Variants in CAPN13 observed in about 807,000 individuals in gnomAD.
CAPN13 encodes calpain-13.
Under a neutral mutation model 98.4 loss-of-function variants are expected in CAPN13, and 90 were observed. The ratio of observed to expected loss-of-function variants is 0.92; its 90% CI spans 0.77 to 1.09. The LOEUF is 1.09. CAPN13 is among the 50% of genes least tolerant of loss of function. The pLI is 0.00. For synonymous variants in CAPN13, 330 were observed against 305.5 expected, an observed-to-expected ratio of 1.08 and a Z score of -0.84; for missense variants, 887 against 841.3, an observed-to-expected ratio of 1.05 and a Z score of -0.67.
chr2:30,786,313 T>G (rs934449345), intron 2 of CAPN13, among the ~76,000 whole-genome samples: 1 of 152,224 alleles, frequency 6.6e-6, no homozygotes, highest in African/African-American at 2.4e-5. Flanking sequence ...TGCTGGTGCC[T>G]ACAGAAGTGT....
chr2:30,799,350 C>T lies in CAPN13; in HGVS notation c.-33+7952G>A, dbSNP rs528614100. Among the ~76,000 whole-genome samples, 5 of 152,240 alleles carry T rather than the reference C, an allele frequency of 3.3e-5. No homozygotes were observed. In the South Asian group the frequency reaches 1.0e-3, roughly 32 times the overall value. On this transcript the variant is annotated intron_variant, in intron 1 of 22. Transcript: ENST00000295055. ...ATCGGGTTTGAAGATGGAACTTAAC[C>T]GCCAGACCAGTGCTGTCCCTGAGCC...
chr2:30,723,851 AT>A (rs141639576), intron 22 of CAPN13, among the ~76,000 whole-genome samples: 5,924 of 151,298 alleles, frequency 0.039, 199 homozygotes, highest in East Asian at 0.14. Context: ...TAGTTTGCCT[AT>A]TTTTTTTTCC....
At chr2:30,779,509 T>TA (rs1673880212) in intron 2 of CAPN13, among the ~76,000 whole-genome samples, 1 of 152,214 alleles carries the variant, frequency 6.6e-6, no homozygotes, top group South Asian at 2.1e-4. Flanking sequence ...GACCAGTCCT[T>TA]ACATTTACAA....
intron 11 of CAPN13, among the ~76,000 whole-genome samples, chr2:30,750,710 G>A (rs1054014987): frequency 2.0e-5 from 3 of 152,200 alleles, no homozygotes; most frequent in African/African-American, 7.2e-5. Flanking sequence ...CCTCTGGAGA[G>A]CTTATGAAAA....
At chr2:30,799,840 A>G (rs887013394) in intron 1 of CAPN13, among the ~76,000 whole-genome samples, 3 of 152,096 alleles carry the variant, frequency 2.0e-5, no homozygotes, top group Admixed American at 6.5e-5. Flanking sequence ...TTGGGAGGCC[A>G]AGGTGGGCGG....
intron 22 of CAPN13, among the ~76,000 whole-genome samples, chr2:30,726,235 C>G (rs1382152024): frequency 3.9e-5 from 6 of 152,164 alleles, no homozygotes; most frequent in African/African-American, 1.2e-4. Context: ...TAGAAGTGAA[C>G]TTCCTCAACC....
intron 1 of CAPN13, among the ~76,000 whole-genome samples, chr2:30,801,580 G>C (rs1675273338): frequency 6.8e-6 from 1 of 147,678 alleles, no homozygotes; most frequent in African/African-American, 2.5e-5. Context: ...ACTCCAGCCT[G>C]GGTGATAGAG....
chr2:30,752,691 C>A (rs979209809), intron 10 of CAPN13, among the ~76,000 whole-genome samples: 1 of 152,222 alleles, frequency 6.6e-6, no homozygotes, highest in Admixed American at 6.5e-5. Flanking sequence ...GACAAGGGTC[C>A]AACCTAGGCC....
At chr2:30,752,463 A>C (rs1417619042) in intron 10 of CAPN13, among the ~76,000 whole-genome samples, 1 of 152,204 alleles carries the variant, frequency 6.6e-6, no homozygotes, top group East Asian at 1.9e-4. Context: ...GATTCATCTC[A>C]GGGGAGCTCA....
chr2:30,753,509 C>T (rs1397897857), intron 9 of CAPN13, among the ~76,000 whole-genome samples: 1 of 152,214 alleles, frequency 6.6e-6, no homozygotes, highest in Admixed American at 6.5e-5. Flanking sequence ...GCCAGTCTCT[C>T]TCTGCTCTGG....
chr2:30,730,630 G>T, intron 22 of CAPN13, 100 bp downstream of exon 22: 1 of 682,880 alleles, frequency 1.5e-6, no homozygotes. Context: ...GTCATCCCTG[G>T]GGAGGCTCTC....
intron 12 of CAPN13, chr2:30,745,214 T>A (rs1378548825): frequency 4.2e-6 from 2 of 472,304 alleles, no homozygotes; most frequent in East Asian, 6.9e-5. Flanking sequence ...TCTTTCTCCA[T>A]CCTTCCTCAT....
intron 17 of CAPN13, among the ~76,000 whole-genome samples, chr2:30,737,004 C>T (rs973345841): frequency 1.3e-5 from 2 of 152,152 alleles, no homozygotes; most frequent in Non-Finnish European, 2.9e-5. Flanking sequence ...TAAAGCCAGC[C>T]CTGGCCATGC....
chr2:30,758,250 T>C, intron 7 of CAPN13, 113 bp from the exon 8 acceptor site: 1 of 718,856 alleles, frequency 1.4e-6, no homozygotes, highest in Admixed American at 3.4e-5. Context: ...CTGACCTCAT[T>C]TGGCTGCAGC....
chr2:30,747,570 C>T (rs1321599951), intron 11 of CAPN13, among the ~76,000 whole-genome samples: 1 of 152,210 alleles, frequency 6.6e-6, no homozygotes, highest in African/African-American at 2.4e-5. Flanking sequence ...TTCTCCCTGC[C>T]TATTCATATC....
intron 22 of CAPN13, among the ~76,000 whole-genome samples, chr2:30,728,318 A>G (rs1670931760): frequency 6.6e-6 from 1 of 151,948 alleles, no homozygotes; most frequent in African/African-American, 2.4e-5. Context: ...AAACTCTACA[A>G]TGTGTGAATT....
chr2:30,767,700 G>C (rs980214961), intron 5 of CAPN13, among the ~76,000 whole-genome samples: 6 of 152,196 alleles, frequency 3.9e-5, no homozygotes, highest in African/African-American at 1.4e-4. Flanking sequence ...TCTGACACTA[G>C]AAATGAATAA....
At chr2:30,758,827 T>TCCTC (rs145325579) in intron 7 of CAPN13, among the ~76,000 whole-genome samples, 11,768 of 79,460 alleles carry the variant, frequency 0.15, 827 homozygotes, top group East Asian at 0.29. Flanking sequence ...CTCCCTTCCT[T>TCCTC]CCTCCCTTCC....
intron 1 of CAPN13, among the ~76,000 whole-genome samples, chr2:30,791,082 A>T (rs1433751025): frequency 1.3e-5 from 2 of 152,214 alleles, no homozygotes; most frequent in Non-Finnish European, 2.9e-5. Context: ...GACTAACCCT[A>T]GCCTGATCCA....
Sources: allele counts gnomAD v4.1 joint callset (sites outside exome capture counted in the v4.1 genomes callset), GRCh38; gene constraint gnomAD v4.1.1; transcripts MANE v1.5; gene names NCBI Gene and HGNC (gene_info 2026-07-23, HGNC 2026-07-21).